VAV3: variants seen among roughly 807,000 people sequenced by gnomAD.
VAV3 encodes guanine nucleotide exchange factor VAV3.
A neutral mutation model predicts 131.2 loss-of-function variants in VAV3; 94 were observed. That is an observed-to-expected ratio of 0.72 (90% confidence interval 0.61 to 0.85). The LOEUF is 0.85. Among genes scored for constraint, VAV3 ranks in the 40% least tolerant of loss-of-function variants. The probability of loss-of-function intolerance (pLI) is 0.00; values close to 1 mark genes in which losing one functional copy is unlikely to be tolerated. For synonymous variants in VAV3, 349 were observed against 342.0 expected (o/e 1.02, Z -0.22); for missense variants, 939 against 1,002.7 (o/e 0.94, Z 0.86).
chr1:107,675,463 C>T lies in VAV3; in HGVS notation c.1777+8025G>A, dbSNP rs145469457. On this transcript the variant is annotated intron_variant, in intron 19 of 26. Coordinates refer to ENST00000370056, the MANE Select transcript of VAV3 (RefSeq NM_006113.5). ...TCTGTGCCACTGTAGAACCCTCAGT[C>T]TATACCACCACACAGGGCTACCGTT... Among the ~76,000 whole-genome samples, 748 of 152,286 alleles carry T rather than the reference C, an allele frequency of 4.9e-3. 10 individuals carry two copies. The highest frequency in any genetic ancestry group is 0.017 in the African/African-American group (692 of 41,568).
chr1:107,822,221 A>C (rs1202157383), intron 2 of VAV3, among the ~76,000 whole-genome samples: 1 of 152,196 alleles, frequency 6.6e-6, no homozygotes, highest in East Asian at 1.9e-4. Context: ...AAGAGAGATC[A>C]ATCTTGGAGC....
At chr1:107,681,068 A>G (rs1658568560) in intron 19 of VAV3, among the ~76,000 whole-genome samples, 1 of 152,188 alleles carries the variant, frequency 6.6e-6, no homozygotes, top group Non-Finnish European at 1.5e-5. Flanking sequence ...CAAAAGGGCT[A>G]TAGAGAATAT....
intron 15 of VAV3, among the ~76,000 whole-genome samples, chr1:107,718,646 A>T (rs1661278282): frequency 6.6e-6 from 1 of 152,212 alleles, no homozygotes; most frequent in South Asian, 2.1e-4. Flanking sequence ...GGTAATTTAT[A>T]GATTCAATGC....
At chr1:107,791,157 G>C (rs1279486740) in intron 2 of VAV3, among the ~76,000 whole-genome samples, 1 of 152,128 alleles carries the variant, frequency 6.6e-6, no homozygotes, top group Non-Finnish European at 1.5e-5. Context: ...TGATTTGGCT[G>C]CATTTATCAA....
At chr1:107,722,378 T>C (rs1448323394) in intron 15 of VAV3, among the ~76,000 whole-genome samples, 2 of 152,168 alleles carry the variant, frequency 1.3e-5, no homozygotes, top group Non-Finnish European at 2.9e-5. Flanking sequence ...TCTATCCATT[T>C]TGAAATAATG....
intron 15 of VAV3, among the ~76,000 whole-genome samples, chr1:107,746,551 C>T (rs1663359219): frequency 6.6e-6 from 1 of 152,168 alleles, no homozygotes; most frequent in African/African-American, 2.4e-5. Context: ...ACCTGTAAGG[C>T]GGTGGCTGCT....
At chr1:107,854,940 A>G (rs1253883353) in intron 2 of VAV3, among the ~76,000 whole-genome samples, 1 of 152,232 alleles carries the variant, frequency 6.6e-6, no homozygotes, top group Non-Finnish European at 1.5e-5. Flanking sequence ...TTTCCCCTAC[A>G]TAGCGACCGA....
At chr1:107,904,476 A>C (rs1252942895) in intron 1 of VAV3, among the ~76,000 whole-genome samples, 7 of 152,040 alleles carry the variant, frequency 4.6e-5, no homozygotes, top group African/African-American at 1.4e-4. Context: ...GAATTTTTTT[A>C]TTTCTTTTCT....
intron 1 of VAV3, among the ~76,000 whole-genome samples, chr1:107,904,436 A>G (rs888900489): frequency 1.3e-5 from 2 of 152,168 alleles, no homozygotes; most frequent in Admixed American, 6.5e-5. Flanking sequence ...AAAATCACCA[A>G]CGACCTCTCA....
intron 15 of VAV3, among the ~76,000 whole-genome samples, chr1:107,718,273 G>A (rs1661246337): frequency 6.6e-6 from 1 of 152,136 alleles, no homozygotes; most frequent in Non-Finnish European, 1.5e-5. Flanking sequence ...GTTTGTCCCT[G>A]TTCACAGATG....
At chr1:107,903,880 TG>T (rs1428189926) in intron 1 of VAV3, among the ~76,000 whole-genome samples, 1 of 152,152 alleles carries the variant, frequency 6.6e-6, no homozygotes, top group African/African-American at 2.4e-5. Flanking sequence ...CTTGTTCTCT[TG>T]GTCACACCCA....
intron 15 of VAV3, among the ~76,000 whole-genome samples, chr1:107,745,795 GC>G (rs1182284887): frequency 1.6e-4 from 24 of 152,282 alleles, no homozygotes; most frequent in African/African-American, 5.5e-4. Flanking sequence ...GAAATGGCAA[GC>G]ATTTCAACAC....
At chr1:107,915,907 T>G (rs1284312704) in intron 1 of VAV3, among the ~76,000 whole-genome samples, 1 of 151,844 alleles carries the variant, frequency 6.6e-6, no homozygotes, top group Non-Finnish European at 1.5e-5. Context: ...AGTAGGAAAA[T>G]TAGACACTAT....
intron 15 of VAV3, among the ~76,000 whole-genome samples, chr1:107,723,272 T>C (rs1354155966): frequency 6.6e-6 from 1 of 152,102 alleles, no homozygotes; most frequent in African/African-American, 2.4e-5. Context: ...CCACAAGCAT[T>C]CAGCGCCCAT....
intron 25 of VAV3, among the ~76,000 whole-genome samples, chr1:107,585,899 A>C (rs957542464): frequency 4.6e-5 from 7 of 152,210 alleles, no homozygotes; most frequent in Non-Finnish European, 1.5e-5. Context: ...ATGCAAACTT[A>C]TAATAGCAGA....
chr1:107,961,187 C>A (rs72985484), intron 1 of VAV3, among the ~76,000 whole-genome samples: 16,974 of 152,166 alleles, frequency 0.11, 1,775 homozygotes, highest in African/African-American at 0.28. Flanking sequence ...AACTCATTGA[C>A]TGTATTACCC....
intron 1 of VAV3, among the ~76,000 whole-genome samples, chr1:107,922,690 C>T (rs1046559309): frequency 1.3e-5 from 2 of 151,964 alleles, no homozygotes; most frequent in African/African-American, 2.4e-5. Context: ...CGGTGGCTCA[C>T]GCCTGTAATC....
chr1:107,803,615 C>G (rs778017515), intron 2 of VAV3, among the ~76,000 whole-genome samples: 9 of 151,960 alleles, frequency 5.9e-5, no homozygotes, highest in Non-Finnish European at 7.4e-5. Context: ...TAAAAAAATA[C>G]ATGTGATATA....
chr1:107,852,866 G>A (rs1308325127), intron 2 of VAV3, among the ~76,000 whole-genome samples: 1 of 152,106 alleles, frequency 6.6e-6, no homozygotes, highest in Non-Finnish European at 1.5e-5. Context: ...CTAAAAGAGT[G>A]CATTTCACCA....
Sources: gnomAD v4.1 joint callset for allele counts (sites outside exome capture counted in the v4.1 genomes callset) on GRCh38, gnomAD v4.1.1 for gene constraint, MANE v1.5 for transcripts, NCBI Gene and HGNC (gene_info 2026-07-23, HGNC 2026-07-21) for gene names.